Variants in NAV1 observed in about 807,000 individuals in gnomAD.
NAV1 encodes the protein neuron navigator 1.
In NAV1, 18 loss-of-function variants were observed where a neutral mutation model predicts 175.2. That is an observed-to-expected ratio of 0.10 (90% CI 0.07 to 0.15). NAV1 has a LOEUF of 0.15. Ranked by LOEUF, NAV1 falls within the 10% of genes least tolerant of loss-of-function variation. The pLI, the probability that NAV1 is intolerant of heterozygous loss-of-function variation, is 1.00. For missense variants in NAV1, 1,731 were observed against 2,436.6 expected (o/e 0.71, Z 6.10); for synonymous variants, 897 against 978.7 (o/e 0.92, Z 1.56).
At chr1:201,710,978 A>AC in intron 1 of NAV1, among the ~76,000 whole-genome samples, 1 of 152,270 alleles carries the variant, frequency 6.6e-6, no homozygotes, top group South Asian at 2.1e-4. Flanking sequence ...ACACCTTGGC[A>AC]CCATGTTCTT....
intron 3 of NAV1, among the ~76,000 whole-genome samples, chr1:201,767,209 T>G (rs543289891): frequency 3.3e-4 from 50 of 151,850 alleles, no homozygotes; most frequent in Non-Finnish European, 2.4e-4. Context: ...ATCCCAGCAC[T>G]TTGGGAGGCT....
intron 1 of NAV1, among the ~76,000 whole-genome samples, chr1:201,551,818 T>TTAACACA: frequency 6.6e-6 from 1 of 152,214 alleles, no homozygotes; most frequent in Non-Finnish European, 1.5e-5. Flanking sequence ...TTTAGGCCTG[T>TTAACACA]GTTAGGCTGG....
At chr1:201,595,420 GCT>G (rs951702084) in intron 2 of NAV1, among the ~76,000 whole-genome samples, 2 of 152,368 alleles carry the variant, frequency 1.3e-5, no homozygotes, top group South Asian at 4.1e-4. Context: ...GCTCCAGCCA[GCT>G]CTCTCTTTCC....
chr1:201,549,472 G>T (rs1029012568), intron 1 of NAV1, among the ~76,000 whole-genome samples: 5 of 152,176 alleles, frequency 3.3e-5, no homozygotes, highest in African/African-American at 1.2e-4. Context: ...AACTCCCAAA[G>T]TTCTGGGATT....
intron 3 of NAV1, among the ~76,000 whole-genome samples, chr1:201,780,046 G>A (rs761657410): frequency 2.0e-5 from 3 of 152,138 alleles, no homozygotes; most frequent in Non-Finnish European, 4.4e-5. Flanking sequence ...GATGCAGAAC[G>A]CGTCTAAAAA....
In NAV1 at chr1:201,728,420, C is replaced by T. The variant is rs1161111827; in HGVS notation, c.1226+9665C>T. Among the ~76,000 whole-genome samples the T allele has an allele frequency of 5.3e-5, 8 of 151,784 alleles. No individual in the cohort carries two copies. In the South Asian group the frequency reaches 6.2e-4, roughly 12 times the overall value. On this transcript the variant is annotated intron_variant, in intron 3 of 29. Transcript: ENST00000367296. ...CAGCCTGGCCAACATGGTGAAACCC[C>T]GCCTCTACTAAAAATACAAAAAAAT...
At chr1:201,557,321 G>T (rs148664433) in intron 1 of NAV1, among the ~76,000 whole-genome samples, 1 of 152,162 alleles carries the variant, frequency 6.6e-6, no homozygotes, top group African/African-American at 2.4e-5. Flanking sequence ...AAGGGTTGGG[G>T]GATGTGCTTG....
chr1:201,801,062 A>C (rs1424414712), intron 15 of NAV1, among the ~76,000 whole-genome samples: 1 of 152,072 alleles, frequency 6.6e-6, no homozygotes, highest in African/African-American at 2.4e-5. Flanking sequence ...CTGCTGGCTC[A>C]AGCCATCCTC....
chr1:201,802,510 G>C (rs376281902), intron 15 of NAV1, among the ~76,000 whole-genome samples: 3 of 150,442 alleles, frequency 2.0e-5, no homozygotes, highest in African/African-American at 7.3e-5. Flanking sequence ...GCCGGGCGCA[G>C]TGGCTCGTGC....
chr1:201,743,380 A>G (rs1673557664), intron 3 of NAV1, among the ~76,000 whole-genome samples: 1 of 152,238 alleles, frequency 6.6e-6, no homozygotes. Context: ...GAGTGGGAAG[A>G]TTACTAAACT....
intron 3 of NAV1, among the ~76,000 whole-genome samples, chr1:201,745,493 G>A (rs901927088): frequency 1.3e-5 from 2 of 152,152 alleles, no homozygotes; most frequent in Non-Finnish European, 2.9e-5. Flanking sequence ...TGATTTCCTG[G>A]GTACTGAGCT....
rs182617969 is a variant in NAV1, at chr1:201,541,004, A to G, written c.-144+1662A>G. 2.4e-3 allele frequency among the ~76,000 whole-genome samples: 370 copies of G among 152,348 alleles called. 1 individual carries two copies. Among genetic ancestry groups the G allele is most frequent in the African/African-American group, 8.6e-3 (359 of 41,578 alleles). On this transcript the variant is annotated intron_variant, in intron 1 of 33. Coordinates refer to the NAV1 transcript ENST00000685211. ...AAGAGAACACCAGGTGAAAGAGAAC[A>G]CCATTTCCGGGTGAAAGAGAACAGC... is the stretch of plus-strand genomic sequence containing the variant.
chr1:201,549,868 G>A (rs748121688), intron 1 of NAV1, among the ~76,000 whole-genome samples: 26 of 151,500 alleles, frequency 1.7e-4, no homozygotes, highest in East Asian at 6.0e-4. Flanking sequence ...AAAATTAGCC[G>A]GGTGTGGTGG....
At chr1:201,700,883 C>T (rs1326774612) in intron 1 of NAV1, among the ~76,000 whole-genome samples, 3 of 151,402 alleles carry the variant, frequency 2.0e-5, no homozygotes, top group African/African-American at 4.9e-5. Flanking sequence ...TGGTGGCAGG[C>T]GCCTGTAGTC....
At chr1:201,638,948 A>G (rs538263352) in intron 2 of NAV1, among the ~76,000 whole-genome samples, 6 of 152,308 alleles carry the variant, frequency 3.9e-5, no homozygotes, top group African/African-American at 1.4e-4. Context: ...TCTCCGTGGG[A>G]TATAAGTAGG....
intron 3 of NAV1, among the ~76,000 whole-genome samples, chr1:201,738,815 A>T (rs1304517987): frequency 6.6e-6 from 1 of 151,558 alleles, no homozygotes; most frequent in Non-Finnish European, 1.5e-5. Flanking sequence ...TAGGGGGCTT[A>T]AAAAAATGCT....
intron 1 of NAV1, among the ~76,000 whole-genome samples, chr1:201,575,854 G>A (rs530766335): frequency 6.6e-6 from 1 of 152,068 alleles, no homozygotes; most frequent in Non-Finnish European, 1.5e-5. Flanking sequence ...CCAGGCATGG[G>A]GTATTTCTTC....
Position 201,782,419 on chromosome 1 carries a change from GCATCCCTGT to G in NAV1, c.1910_1918del (p.Ile637_Val639del). 6.2e-7 allele frequency: 1 copy of G among 1,614,016 alleles called. No homozygotes were observed. Among genetic ancestry groups the G allele is most frequent in the Non-Finnish European group, 8.5e-7 (1 of 1,179,924 alleles). ...CTCAGCAAGATCCAGAAGTCCTCAG[GCATCCCTGT>G]CAAGCCAGTAAATGGGCGCAAGACT... On this transcript the variant is annotated inframe_deletion, in exon 6 of 30. Coordinates refer to ENST00000367296, the Ensembl canonical transcript of NAV1. The surrounding 1 kb of genome is among the most constrained non-coding windows in gnomAD (Gnocchi z 5.4).
intron 1 of NAV1, among the ~76,000 whole-genome samples, chr1:201,556,801 C>T (rs1666030314): frequency 6.6e-6 from 1 of 152,240 alleles, no homozygotes; most frequent in African/African-American, 2.4e-5. Context: ...CAGCAAAGAG[C>T]ACCATCCTCC....
Sources: allele counts gnomAD v4.1 joint callset (sites outside exome capture counted in the v4.1 genomes callset), GRCh38; gene constraint gnomAD v4.1.1; non-coding constraint Gnocchi (gnomAD v3.1); transcripts MANE v1.5; gene names NCBI Gene and HGNC (gene_info 2026-07-23, HGNC 2026-07-21).